NDFIP1: variants seen among roughly 807,000 people sequenced by gnomAD.
NDFIP1 encodes the protein NEDD4 family-interacting protein 1.
NDFIP1 carries 7 observed loss-of-function variants against 28.8 expected under a neutral mutation model. The ratio of observed to expected loss-of-function variants is 0.24; its 90% CI spans 0.14 to 0.46. NDFIP1 has a LOEUF of 0.46. Ranked by LOEUF, NDFIP1 falls within the 20% of genes least tolerant of loss-of-function variation. The probability of loss-of-function intolerance (pLI) is 0.99; values close to 1 mark genes in which losing one functional copy is unlikely to be tolerated. For missense variants in NDFIP1, 194 were observed against 269.1 expected, an observed-to-expected ratio of 0.72 and a Z score of 1.95; for synonymous variants, 92 against 101.0, an observed-to-expected ratio of 0.91 and a Z score of 0.53.
At chr5:142,142,968 T>TATATATATATATATATATATATA (rs1757352438) in intron 6 of NDFIP1, 1 of 127,980 alleles carries the variant, frequency 7.8e-6, no homozygotes, top group Non-Finnish European at 1.6e-5. Flanking sequence ...TATATATATA[T>TATATATATATATATATATATATA]TAATAAGAGT....
intron 7 of NDFIP1, among the ~76,000 whole-genome samples, chr5:142,151,237 A>C (rs1023590099): frequency 5.9e-5 from 9 of 152,300 alleles, no homozygotes; most frequent in Admixed American, 3.3e-4. Context: ...CTTGTTTTCT[A>C]ATTTTGCCAT....
intron 2 of NDFIP1, 26 bp downstream of exon 2, chr5:142,131,921 G>A (rs1757231940): frequency 1.3e-6 from 2 of 1,542,620 alleles, no homozygotes; most frequent in South Asian, 1.2e-5. Flanking sequence ...AGGTGATCAC[G>A]GAATCCTTAA....
Position 142,108,872 on chromosome 5 carries a change from C to T in NDFIP1, c.-103C>T. On this transcript the variant is annotated 5_prime_UTR_variant, in exon 1 of 8. Coordinates refer to ENST00000253814, the MANE Select transcript of NDFIP1 (RefSeq NM_030571.4). ...GCGGCGGCGGCCATCGAGACCCACC[C>T]AAGGCGCGTCCCCCTCGGCCTCCCA... The T allele has an allele frequency of 9.4e-7, 1 of 1,067,164 alleles. No individual in the cohort carries two copies. The highest frequency in any genetic ancestry group is 1.2e-6 in the Non-Finnish European group (1 of 811,330). The allele number at this position is 1,067,164 out of a possible 1,614,324, so 66.1% of individuals were successfully genotyped here.
At chr5:142,136,388 T>TG (rs1757274998) in intron 4 of NDFIP1, among the ~76,000 whole-genome samples, 1 of 152,176 alleles carries the variant, frequency 6.6e-6, no homozygotes, top group South Asian at 2.1e-4. Context: ...TCAGATTATT[T>TG]GGGGGCACTT....
At chr5:142,130,638 T>C (rs1757218008) in intron 1 of NDFIP1, among the ~76,000 whole-genome samples, 1 of 151,704 alleles carries the variant, frequency 6.6e-6, no homozygotes. Context: ...GGTCACAGTG[T>C]GCCATAATTG....
chr5:142,149,995 C>T (rs1757428316), intron 7 of NDFIP1, among the ~76,000 whole-genome samples: 1 of 152,128 alleles, frequency 6.6e-6, no homozygotes, highest in South Asian at 2.1e-4. Flanking sequence ...TCCTGGCTAA[C>T]ACAGTGAAAC....
chr5:142,137,966 A>C, intron 5 of NDFIP1, 108 bp downstream of exon 5: 1 of 1,392,254 alleles, frequency 7.2e-7, no homozygotes, highest in Non-Finnish European at 9.6e-7. Context: ...CAGTGTGTTA[A>C]ATGATTTTTG....
chr5:142,146,519 A>G (rs1424239965), intron 7 of NDFIP1, among the ~76,000 whole-genome samples: 1 of 152,230 alleles, frequency 6.6e-6, no homozygotes, highest in East Asian at 1.9e-4. Context: ...GGTTGCTACA[A>G]GTCCTCCTTA....
intron 1 of NDFIP1, among the ~76,000 whole-genome samples, chr5:142,129,473 A>G (rs1223144907): frequency 6.6e-6 from 1 of 152,236 alleles, no homozygotes; most frequent in East Asian, 1.9e-4. Flanking sequence ...ACATTAGATT[A>G]CTAGGATTCG....
In NDFIP1 at chr5:142,140,636, G is replaced by A. The variant is rs1007102532; in HGVS notation, c.562+7G>A. ...TGGGTGTTCCTTGTTTTAGGTAAGT[G>A]TTTTTAATGTAAGAAAAGGCAAGAA... On this transcript the variant is annotated splice_region_variant and intron_variant, in intron 6 of 7. Transcript: ENST00000253814. The A allele has an allele frequency of 1.2e-6, 2 of 1,603,226 alleles. No individual in the cohort carries two copies. Among genetic ancestry groups the A allele is most frequent in the Non-Finnish European group, 1.7e-6 (2 of 1,175,682 alleles).
At chr5:142,139,103 C>T (rs530606689) in intron 5 of NDFIP1, among the ~76,000 whole-genome samples, 1 of 151,906 alleles carries the variant, frequency 6.6e-6, no homozygotes, top group Admixed American at 6.6e-5. Context: ...GCCTGTAGTC[C>T]CAGCTACTCG....
intron 1 of NDFIP1, among the ~76,000 whole-genome samples, chr5:142,117,311 T>G (rs1244730021): frequency 6.6e-6 from 1 of 151,008 alleles, no homozygotes; most frequent in Non-Finnish European, 1.5e-5. Context: ...TGGCGAAATC[T>G]CAGCTCACTG....
At chr5:142,121,724 C>T (rs1757124018) in intron 1 of NDFIP1, among the ~76,000 whole-genome samples, 1 of 152,194 alleles carries the variant, frequency 6.6e-6, no homozygotes, top group African/African-American at 2.4e-5. Flanking sequence ...TAGCAGTCAT[C>T]TGTGTATGGC....
At chr5:142,138,568 G>T (rs1307162592) in intron 5 of NDFIP1, among the ~76,000 whole-genome samples, 1 of 152,164 alleles carries the variant, frequency 6.6e-6, no homozygotes, top group East Asian at 1.9e-4. Context: ...AATGGGTGTT[G>T]CTTGACCACT....
intron 1 of NDFIP1, among the ~76,000 whole-genome samples, chr5:142,111,754 T>C (rs1757016443): frequency 6.6e-6 from 1 of 152,210 alleles, no homozygotes; most frequent in African/African-American, 2.4e-5. Flanking sequence ...GAATTTAGCA[T>C]AGTGACAGAC....
chr5:142,146,152 T>A (rs1757386620), intron 7 of NDFIP1, among the ~76,000 whole-genome samples: 1 of 152,202 alleles, frequency 6.6e-6, no homozygotes, highest in Admixed American at 6.5e-5. Context: ...GATAATTAAA[T>A]GTATGTAGGT....
At chr5:142,116,257 A>G (rs1028627745) in intron 1 of NDFIP1, among the ~76,000 whole-genome samples, 6 of 152,236 alleles carry the variant, frequency 3.9e-5, no homozygotes, top group Admixed American at 2.0e-4. Context: ...ATCAAGTTTA[A>G]GAGCATTCCT....
chr5:142,142,648 C>T (rs12655465), intron 6 of NDFIP1, among the ~76,000 whole-genome samples: 102,121 of 151,778 alleles, frequency 0.67, 34,656 homozygotes, highest in African/African-American at 0.77. Flanking sequence ...AAGAGTTTGG[C>T]CCGGCGTGGT....
intron 1 of NDFIP1, among the ~76,000 whole-genome samples, chr5:142,123,766 G>C (rs1484500931): frequency 6.6e-6 from 1 of 152,102 alleles, no homozygotes; most frequent in Non-Finnish European, 1.5e-5. Context: ...CTGCTATTCT[G>C]TCAAAGTCAG....
Sources: gnomAD v4.1 joint callset for allele counts (sites outside exome capture counted in the v4.1 genomes callset) on GRCh38, gnomAD v4.1.1 for gene constraint, MANE v1.5 for transcripts, NCBI Gene and HGNC (gene_info 2026-07-23, HGNC 2026-07-21) for gene names.